Variants in MROH9 observed in about 807,000 individuals in gnomAD.
MROH9 encodes maestro heat like repeat family member 9, also known as maestro heat-like repeat-containing protein family member 9.
Under a neutral mutation model 98.2 loss-of-function variants are expected in MROH9, and 92 were observed. The observed-to-expected ratio is 0.94, with a 90% confidence interval of 0.79 to 1.11. MROH9 has a LOEUF of 1.11. Among genes scored for constraint, MROH9 ranks in the 50% most tolerant of loss-of-function variants. MROH9 has a pLI of 0.00. For missense variants in MROH9, 1,057 were observed against 1,014.8 expected (o/e 1.04, Z -0.57); for synonymous variants, 397 against 368.9 (o/e 1.08, Z -0.87).
At chr1:171,029,638 T>A (rs1259015801) in intron 20 of MROH9, among the ~76,000 whole-genome samples, 1 of 152,248 alleles carries the variant, frequency 6.6e-6, no homozygotes, top group Admixed American at 6.5e-5. Flanking sequence ...ATCGCAGGGA[T>A]GACGCTGAAC....
At chr1:171,059,777 G>C (rs2101876565) in intron 20 of MROH9, among the ~76,000 whole-genome samples, 1 of 152,194 alleles carries the variant, frequency 6.6e-6, no homozygotes, top group Middle Eastern at 3.4e-3. Flanking sequence ...ACTAACATGG[G>C]AACAGAAAAC....
intron 20 of MROH9, among the ~76,000 whole-genome samples, chr1:171,032,931 A>T (rs1463601206): frequency 6.6e-6 from 1 of 152,228 alleles, no homozygotes; most frequent in Non-Finnish European, 1.5e-5. Flanking sequence ...TTAGGGGCTC[A>T]GGTCCTGTGG....
intron 20 of MROH9, among the ~76,000 whole-genome samples, chr1:171,044,324 T>C (rs965724765): frequency 6.6e-6 from 1 of 152,196 alleles, no homozygotes; most frequent in African/African-American, 2.4e-5. Context: ...TACTAAATCA[T>C]GATGGATGAT....
In MROH9 at chr1:170,986,722, G is replaced by T. The variant is rs1225959529; in HGVS notation, c.879+12G>T. The stretch of plus-strand genomic sequence containing the variant: ...AGAAGGTCACCATGGTAAGATACTT[G>T]ACAATAAGCAGGAGAGCACAGGGTT... On this transcript the variant is annotated intron_variant, in intron 10 of 21. Coordinates refer to ENST00000367759, the MANE Select transcript of MROH9 (RefSeq NM_001163629.2). 3 of 1,612,178 alleles carry T rather than the reference G, an allele frequency of 1.9e-6. No individual in the cohort carries two copies. The highest frequency in any genetic ancestry group is 2.5e-6 in the Non-Finnish European group (3 of 1,179,116).
intron 13 of MROH9, among the ~76,000 whole-genome samples, chr1:170,996,018 T>C (rs1345318490): frequency 6.6e-6 from 1 of 152,192 alleles, no homozygotes; most frequent in Non-Finnish European, 1.5e-5. Flanking sequence ...CAGTTGTCTG[T>C]CCACATAGAA....
chr1:171,012,163 C>G (rs981960366), intron 15 of MROH9, among the ~76,000 whole-genome samples: 1 of 152,016 alleles, frequency 6.6e-6, no homozygotes, highest in South Asian at 2.1e-4. Flanking sequence ...TTTTGATCCA[C>G]AAATTAGGGG....
At chr1:170,998,640 G>C in intron 15 of MROH9, 1 of 1,185,690 alleles carries the variant, frequency 8.4e-7, no homozygotes, top group Non-Finnish European at 1.0e-6. Context: ...CAGTACTTCT[G>C]ACCATCTAGA....
chr1:170,992,150 G>A lies in MROH9; in HGVS notation c.1029-14G>A. The A allele has an allele frequency of 2.5e-6, 4 of 1,593,458 alleles. No homozygotes were observed. Among genetic ancestry groups the A allele is most frequent in the Non-Finnish European group, 3.4e-6 (4 of 1,169,722 alleles). ...ACATGATTCTCATTGTGTGGGGTGG[G>A]GCTGTGTTTGCAGCACTCTGATACA... On this transcript the variant is annotated splice_polypyrimidine_tract_variant and intron_variant, in intron 11 of 21. Transcript: ENST00000367759.
At chr1:170,935,952 A>G (rs1054312905) in intron 1 of MROH9, among the ~76,000 whole-genome samples, 4 of 136,454 alleles carry the variant, frequency 2.9e-5, no homozygotes, top group African/African-American at 1.1e-4. Context: ...AGATCATGCT[A>G]CTGCACTCCA....
intron 15 of MROH9, among the ~76,000 whole-genome samples, chr1:171,008,401 C>G (rs1318972696): frequency 6.6e-6 from 1 of 152,042 alleles, no homozygotes; most frequent in Non-Finnish European, 1.5e-5. Context: ...TTTTGTTCTG[C>G]AGTTATTTAT....
chr1:171,028,337 A>G (rs1652795152), intron 20 of MROH9, among the ~76,000 whole-genome samples: 1 of 152,164 alleles, frequency 6.6e-6, no homozygotes, highest in African/African-American at 2.4e-5. Flanking sequence ...AGATGATTGT[A>G]GATGTGTGGT....
At chr1:171,057,803 G>A (rs927959809) in intron 20 of MROH9, among the ~76,000 whole-genome samples, 49 of 152,180 alleles carry the variant, frequency 3.2e-4, no homozygotes, top group African/African-American at 1.1e-3. Context: ...AACAGATTGG[G>A]GGCCAAATTC....
chr1:170,973,701 C>A (rs1243237960), intron 8 of MROH9, among the ~76,000 whole-genome samples: 1 of 152,136 alleles, frequency 6.6e-6, no homozygotes, highest in Non-Finnish European at 1.5e-5. Context: ...AATGGTGAAT[C>A]CCCGTCTCTA....
intron 8 of MROH9, among the ~76,000 whole-genome samples, chr1:170,974,223 A>T (rs1650594300): frequency 6.6e-6 from 1 of 152,172 alleles, no homozygotes; most frequent in South Asian, 2.1e-4. Context: ...AGTCTCTGAA[A>T]GTGAGAAAGT....
chr1:170,941,359 C>T (rs1383944374), intron 1 of MROH9, among the ~76,000 whole-genome samples: 1 of 152,088 alleles, frequency 6.6e-6, no homozygotes, highest in African/African-American at 2.4e-5. Flanking sequence ...GGTTTATAAG[C>T]CAGCTTAAGC....
rs141552894 is a variant in MROH9 at position 170,940,336 on chromosome 1, A to G, written c.-38+4749A>G. On this transcript the variant is annotated intron_variant, in intron 1 of 21. Coordinates refer to ENST00000367759, the MANE Select transcript of MROH9 (RefSeq NM_001163629.2). Reference sequence around the variant, plus strand: ...CCTGCCAATAAGTTTAGATATTGCTACTTCTTGTTCAGAAGATCCAATAAG... The same window carrying G: ...CCTGCCAATAAGTTTAGATATTGCTGCTTCTTGTTCAGAAGATCCAATAAG... Among the ~76,000 whole-genome samples the G allele has an allele frequency of 2.6e-5, 4 of 152,306 alleles. No homozygotes were observed. The East Asian group carries it at 5.8e-4, about 22-fold the overall frequency.
intron 3 of MROH9, among the ~76,000 whole-genome samples, chr1:170,949,782 G>C (rs1429308298): frequency 6.6e-6 from 1 of 151,972 alleles, no homozygotes; most frequent in Non-Finnish European, 1.5e-5. Flanking sequence ...ATCACCAACA[G>C]GAAGGGGACA....
chr1:170,998,280 T>C lies in MROH9; in HGVS notation c.1596+6T>C. The C allele has an allele frequency of 1.2e-6, 2 of 1,613,316 alleles. No individual in the cohort carries two copies. The highest frequency in any genetic ancestry group is 1.7e-6 in the Non-Finnish European group (2 of 1,179,622). ...TATTAATATTCCTCACTGAAGTGAG[T>C]TTTGTAGACTGTGAACAGCTGTGTT... On this transcript the variant is annotated splice_donor_region_variant and intron_variant, in intron 15 of 21. Coordinates refer to ENST00000367759, the MANE Select transcript of MROH9 (RefSeq NM_001163629.2).
chr1:170,987,642 T>G (rs1270635417), intron 10 of MROH9, among the ~76,000 whole-genome samples: 1 of 152,212 alleles, frequency 6.6e-6, no homozygotes, highest in African/African-American at 2.4e-5. Flanking sequence ...TAAGCATAGG[T>G]GCATTTAGCT....
Sources: gnomAD v4.1 joint callset for allele counts (sites outside exome capture counted in the v4.1 genomes callset) on GRCh38, gnomAD v4.1.1 for gene constraint, MANE v1.5 for transcripts, NCBI Gene and HGNC (gene_info 2026-07-23, HGNC 2026-07-21) for gene names.